Variants in PPP3CC observed in about 807,000 individuals in gnomAD.
The protein encoded by PPP3CC is serine/threonine-protein phosphatase 2B catalytic subunit gamma isoform.
PPP3CC carries 35 observed loss-of-function variants against 60.3 expected under a neutral mutation model. The observed-to-expected ratio is 0.58, with a 90% CI of 0.44 to 0.77. The LOEUF is 0.77. Among genes scored for constraint, PPP3CC ranks in the 30% least tolerant of loss-of-function variants. PPP3CC has a pLI of 0.00. For synonymous variants in PPP3CC, 206 were observed against 224.3 expected (o/e 0.92, Z 0.73); for missense variants, 570 against 628.9 (o/e 0.91, Z 1.00).
intron 3 of PPP3CC, among the ~76,000 whole-genome samples, chr8:22,478,243 C>T (rs1401682526): frequency 1.3e-5 from 2 of 151,804 alleles, no homozygotes; most frequent in East Asian, 3.9e-4. Flanking sequence ...CCTATGCCTC[C>T]TGGGTTTTAA....
chr8:22,495,958 A>C (rs1247292130), intron 3 of PPP3CC, among the ~76,000 whole-genome samples: 1 of 152,076 alleles, frequency 6.6e-6, no homozygotes, highest in African/African-American at 2.4e-5. Flanking sequence ...CCAAATTTTC[A>C]CCTACACCAG....
At chr8:22,527,581 T>C (rs1839592691) in intron 9 of PPP3CC, 64 bp downstream of exon 9, 3 of 1,540,434 alleles carry the variant, frequency 1.9e-6, no homozygotes, top group Non-Finnish European at 2.7e-6. Flanking sequence ...TATATTTGCA[T>C]GAGCCCCTCC....
chr8:22,448,372 CT>C (rs1383454743), intron 1 of PPP3CC, among the ~76,000 whole-genome samples: 1 of 144,820 alleles, frequency 6.9e-6, no homozygotes, highest in South Asian at 2.2e-4. Context: ...GGTATTATAC[CT>C]TTTTTTTGTT....
intron 1 of PPP3CC, among the ~76,000 whole-genome samples, chr8:22,461,931 G>A (rs1837373802): frequency 6.6e-6 from 1 of 152,126 alleles, no homozygotes; most frequent in Non-Finnish European, 1.5e-5. Context: ...GTATGAGTGA[G>A]CTGATATTAA....
Position 22,522,562 on chromosome 8 carries a change from A to G in PPP3CC, c.842A>G (p.Asp281Gly). 2 of 1,611,034 alleles carry G rather than the reference A, an allele frequency of 1.2e-6. No homozygotes were observed. The highest frequency in any genetic ancestry group is 1.7e-6 in the Non-Finnish European group (2 of 1,178,076). The change falls in exon 7 of 14, where the codon GAT becomes GGT. Residue 281 changes from aspartate to glycine, a missense_variant. Coordinates refer to ENST00000240139, the MANE Select transcript of PPP3CC (RefSeq NM_005605.5). ...LSIIRAHEAQ[D>G]AGYRMYRKSQ... Reference sequence around the variant, plus strand: ...ATTATCAGAGCCCATGAAGCCCAAGATGCTGGGTAAGTTACATTAAAATTG... The same window carrying G: ...ATTATCAGAGCCCATGAAGCCCAAGGTGCTGGGTAAGTTACATTAAAATTG...
At chr8:22,532,404 T>C in intron 11 of PPP3CC, 98 bp downstream of exon 11, 1 of 993,302 alleles carries the variant, frequency 1.0e-6, no homozygotes, top group Non-Finnish European at 1.6e-6. Context: ...AATGTAGTAT[T>C]GAAACTGCAG....
chr8:22,488,520 T>G (rs552169750), intron 3 of PPP3CC, among the ~76,000 whole-genome samples: 4 of 152,220 alleles, frequency 2.6e-5, no homozygotes, highest in African/African-American at 9.6e-5. Flanking sequence ...CCCTGCAATG[T>G]GTAGGAGACA....
chr8:22,452,141 T>C (rs1162170972), intron 1 of PPP3CC, among the ~76,000 whole-genome samples: 2 of 152,108 alleles, frequency 1.3e-5, no homozygotes, highest in African/African-American at 2.4e-5. Flanking sequence ...TTGATCGTCC[T>C]GCCTCATCCC....
At chr8:22,531,785 A>C (rs1839722868) in intron 10 of PPP3CC, among the ~76,000 whole-genome samples, 2 of 152,246 alleles carry the variant, frequency 1.3e-5, no homozygotes, top group Non-Finnish European at 2.9e-5. Flanking sequence ...TTGTGTTTAC[A>C]TACAGAAGAC....
intron 1 of PPP3CC, among the ~76,000 whole-genome samples, chr8:22,447,556 G>A (rs1242883747): frequency 6.6e-5 from 10 of 152,002 alleles, no homozygotes; most frequent in Non-Finnish European, 4.4e-5. Context: ...GGGCTCAAGC[G>A]ATCCTCTTGC....
At chr8:22,483,684 C>A (rs954833793) in intron 3 of PPP3CC, among the ~76,000 whole-genome samples, 19 of 152,138 alleles carry the variant, frequency 1.2e-4, no homozygotes, top group Non-Finnish European at 2.9e-5. Flanking sequence ...TTCACTCAGA[C>A]CATTAATGAC....
chr8:22,534,462 G>GTGT (rs1429348507), intron 12 of PPP3CC, among the ~76,000 whole-genome samples: 2 of 151,974 alleles, frequency 1.3e-5, no homozygotes. Context: ...AAGTATTGGT[G>GTGT]TGTTTGTGGA....
chr8:22,525,543 C>CCT (rs1163306920), intron 8 of PPP3CC, among the ~76,000 whole-genome samples: 3 of 35,074 alleles, frequency 8.6e-5, no homozygotes, highest in African/African-American at 1.1e-4. Flanking sequence ...TCTTTCTCTC[C>CCT]CTCTCTCTCT....
chr8:22,502,733 T>C (rs1160250956), intron 4 of PPP3CC, among the ~76,000 whole-genome samples: 1 of 152,150 alleles, frequency 6.6e-6, no homozygotes, highest in Admixed American at 6.5e-5. Flanking sequence ...TGTACTGATA[T>C]GGAGAGATGC....
Position 22,539,499 on chromosome 8 carries a change from G to T in PPP3CC, c.1351+1G>T. 1 of 1,613,928 alleles carries T rather than the reference G, an allele frequency of 6.2e-7. No individual in the cohort carries two copies. Among genetic ancestry groups the T allele is most frequent in the Non-Finnish European group, 8.5e-7 (1 of 1,179,932 alleles). On this transcript the variant is annotated splice_donor_variant, in intron 13 of 13. Transcript: ENST00000240139. LOFTEE classifies it high-confidence loss of function. The stretch of plus-strand genomic sequence containing the variant: ...GTAGAAGCGGTAGAGGCCCGGGAAG[G>T]TATGGCCATATTACTCTGATAGATG...
intron 11 of PPP3CC, 79 bp from the exon 12 acceptor site, chr8:22,532,842 C>T: frequency 1.0e-6 from 1 of 992,900 alleles, no homozygotes; most frequent in Middle Eastern, 2.2e-4. Context: ...TGCTGTCTTT[C>T]TTCACTTCCT....
chr8:22,448,682 A>G (rs1836913865), intron 1 of PPP3CC, among the ~76,000 whole-genome samples: 1 of 152,114 alleles, frequency 6.6e-6, no homozygotes, highest in South Asian at 2.1e-4. Context: ...CCTGGCCTAT[A>G]TCATTGTTAA....
At chr8:22,462,790 C>T (rs1400262352) in intron 1 of PPP3CC, among the ~76,000 whole-genome samples, 1 of 151,964 alleles carries the variant, frequency 6.6e-6, no homozygotes, top group African/African-American at 2.4e-5. Context: ...AGGATGGCCT[C>T]GATGTTCTTT....
intron 3 of PPP3CC, among the ~76,000 whole-genome samples, chr8:22,496,818 T>C (rs1838602238): frequency 6.6e-6 from 1 of 152,128 alleles, no homozygotes; most frequent in South Asian, 2.1e-4. Flanking sequence ...TCTTTTCATG[T>C]TGATTTATTC....
Sources: allele counts gnomAD v4.1 joint callset (sites outside exome capture counted in the v4.1 genomes callset), GRCh38; gene constraint gnomAD v4.1.1; transcripts MANE v1.5; gene names NCBI Gene and HGNC (gene_info 2026-07-23, HGNC 2026-07-21).